The following ATAD1 variants were observed in gnomAD, a reference collection of about 807,000 sequenced individuals.
ATAD1 encodes the protein ATPase family AAA domain containing 1.
In ATAD1, 18 loss-of-function variants were observed where a neutral mutation model predicts 42.7. The observed-to-expected ratio is 0.42, with a 90% confidence interval of 0.29 to 0.63. The LOEUF (loss-of-function observed/expected upper bound fraction) is 0.63. Among genes scored for constraint, ATAD1 ranks in the 20% least tolerant of loss-of-function variants. The probability of loss-of-function intolerance (pLI) is 0.19; values close to 1 mark genes in which losing one functional copy is unlikely to be tolerated. For missense variants in ATAD1, 294 were observed against 440.4 expected (o/e 0.67, Z 2.98); for synonymous variants, 132 against 143.1 (o/e 0.92, Z 0.55).
At chr10:87,792,997 T>C (rs905261510) in intron 2 of ATAD1, among the ~76,000 whole-genome samples, 1 of 152,122 alleles carries the variant, frequency 6.6e-6, no homozygotes, top group Non-Finnish European at 1.5e-5. Flanking sequence ...AAATAGGGTA[T>C]GTGACTGAAG....
At chr10:87,803,364 C>G (rs1464015750) in intron 2 of ATAD1, among the ~76,000 whole-genome samples, 3 of 152,192 alleles carry the variant, frequency 2.0e-5, no homozygotes, top group African/African-American at 7.2e-5. Context: ...GAAAATAAAT[C>G]TTGGAGACCC....
chr10:87,813,479 C>A (rs868142731), intron 2 of ATAD1, among the ~76,000 whole-genome samples: 1 of 151,790 alleles, frequency 6.6e-6, no homozygotes, highest in Non-Finnish European at 1.5e-5. Flanking sequence ...CAGAATTCTC[C>A]AAAGTGCCTT....
chr10:87,796,475 C>G (rs1033064026), intron 2 of ATAD1, among the ~76,000 whole-genome samples: 1 of 152,182 alleles, frequency 6.6e-6, no homozygotes, highest in Non-Finnish European at 1.5e-5. Flanking sequence ...TCAAGTTGTC[C>G]TGCCTTTGTT....
chr10:87,778,908 CTA>C (rs1855440800), intron 5 of ATAD1, among the ~76,000 whole-genome samples: 1 of 152,128 alleles, frequency 6.6e-6, no homozygotes, highest in Non-Finnish European at 1.5e-5. Flanking sequence ...AAACACAAAA[CTA>C]TAAAACTTCT....
Position 87,772,580 on chromosome 10 carries a change from G to C in ATAD1, c.691-1539C>G, listed in dbSNP as rs142705532. Among the ~76,000 whole-genome samples, 25 of 151,110 alleles carry C rather than the reference G, an allele frequency of 1.7e-4. No homozygotes were observed. The East Asian group carries it at 4.8e-3, about 29-fold the overall frequency. Reference sequence around the variant, plus strand: ...AGACACTGTGGTTAAGTCAATATTTGGGGGGGAAAAAGGGAAATGGCCAGC... The same window carrying C: ...AGACACTGTGGTTAAGTCAATATTTCGGGGGGAAAAAGGGAAATGGCCAGC... On this transcript the variant is annotated intron_variant, in intron 6 of 9. Coordinates refer to ENST00000680024, the MANE Select transcript of ATAD1 (RefSeq NM_001321967.2).
chr10:87,769,857 C>T (rs1302095689), intron 7 of ATAD1, among the ~76,000 whole-genome samples: 1 of 151,880 alleles, frequency 6.6e-6, no homozygotes, highest in East Asian at 1.9e-4. Context: ...GAGGCGGGCT[C>T]GCTTTAACCT....
intron 2 of ATAD1, among the ~76,000 whole-genome samples, chr10:87,813,315 CTT>C (rs1052541606): frequency 2.6e-5 from 4 of 151,394 alleles, no homozygotes; most frequent in African/African-American, 9.7e-5. Flanking sequence ...AAACCCAACA[CTT>C]AGGTTGACAT....
upstream of ATAD1, chr10:87,818,279 A>G (rs41299161): frequency 8.1e-3 from 8,025 of 985,026 alleles, 39 homozygotes; most frequent in Middle Eastern, 0.019. Context: ...CCTCCCACGG[A>G]GCATGCGCGA....
rs145608354 is a variant in ATAD1, at chr10:87,829,097, G to C, written c.-14+12090C>G. On this transcript the variant is annotated intron_variant, in intron 1 of 4. Transcript: ENST00000495903. ...CATTCTGCAGTCCATGGATCAAAGAGTAACTTCAACTTTCAAGTCTTATTA... is the reference window on the plus strand; with the variant it reads ...CATTCTGCAGTCCATGGATCAAAGACTAACTTCAACTTTCAAGTCTTATTA... Among the ~76,000 whole-genome samples the C allele has an allele frequency of 9.4e-3, 1,429 of 152,222 alleles. 24 individuals carry two copies. The highest frequency in any genetic ancestry group is 0.032 in the African/African-American group (1,344 of 41,530).
At chr10:87,771,606 C>T (rs1405834650) in intron 6 of ATAD1, among the ~76,000 whole-genome samples, 1 of 151,900 alleles carries the variant, frequency 6.6e-6, no homozygotes, top group Non-Finnish European at 1.5e-5. Flanking sequence ...CTTCTCAATG[C>T]GAAATAAAGT....
chr10:87,815,988 T>G (rs1589562405), intron 1 of ATAD1, among the ~76,000 whole-genome samples: 1 of 152,166 alleles, frequency 6.6e-6, no homozygotes. Context: ...CACCTAGGAT[T>G]AGTCAAATTC....
At chr10:87,826,580 G>C (rs1177211852) in intron 1 of ATAD1, among the ~76,000 whole-genome samples, 2 of 152,208 alleles carry the variant, frequency 1.3e-5, no homozygotes, top group African/African-American at 4.8e-5. Context: ...TTAGAATTCT[G>C]TCCAGATATT....
intron 2 of ATAD1, among the ~76,000 whole-genome samples, chr10:87,793,366 G>C (rs1035159363): frequency 2.0e-5 from 3 of 152,024 alleles, no homozygotes; most frequent in Non-Finnish European, 4.4e-5. Context: ...ATGAGTTCTA[G>C]CAATACAACA....
intron 1 of ATAD1, among the ~76,000 whole-genome samples, chr10:87,838,461 C>CA (rs770282016): frequency 0.2 from 8,652 of 42,586 alleles, 2,102 homozygotes; most frequent in Non-Finnish European, 0.23. Context: ...GACTCTATCT[C>CA]AAAAAAAAAA....
chr10:87,774,544 C>T (rs539132951), intron 6 of ATAD1, among the ~76,000 whole-genome samples: 3 of 152,066 alleles, frequency 2.0e-5, no homozygotes, highest in Non-Finnish European at 4.4e-5. Flanking sequence ...AAATAATAAG[C>T]TCAATGAAAG....
At chr10:87,789,548 C>A (rs1855994432) in intron 4 of ATAD1, among the ~76,000 whole-genome samples, 1 of 152,024 alleles carries the variant, frequency 6.6e-6, no homozygotes, top group Admixed American at 6.6e-5. Context: ...TGGTGAAACA[C>A]CATCATTACC....
chr10:87,792,813 G>C, intron 2 of ATAD1, 58 bp from the exon 3 acceptor site: 1 of 1,248,730 alleles, frequency 8.0e-7, no homozygotes, highest in Non-Finnish European at 1.2e-6. Context: ...CTGGCACTTC[G>C]AAATAGATAT....
intron 1 of ATAD1, 74 bp from the exon 2 acceptor site, chr10:87,814,686 TAAAC>T: frequency 8.5e-7 from 1 of 1,178,072 alleles, no homozygotes. Flanking sequence ...CAAAGTAGCT[TAAAC>T]TAAGAAAGAA....
chr10:87,755,226 T>G (rs2131746223), intron 9 of ATAD1, among the ~76,000 whole-genome samples: 1 of 152,320 alleles, frequency 6.6e-6, no homozygotes, highest in Admixed American at 6.5e-5. Context: ...AAGTAGCATT[T>G]CTAGGTATAT....
Sources: allele counts gnomAD v4.1 joint callset (sites outside exome capture counted in the v4.1 genomes callset), GRCh38; gene constraint gnomAD v4.1.1; transcripts MANE v1.5; gene names NCBI Gene and HGNC (gene_info 2026-07-23, HGNC 2026-07-21).